Variants in TTC6 observed in about 807,000 individuals in gnomAD.
The protein encoded by TTC6 is tetratricopeptide repeat protein 6.
Under a neutral mutation model 210.4 loss-of-function variants are expected in TTC6, and 172 were observed. The ratio of observed to expected loss-of-function variants is 0.82; its 90% CI spans 0.72 to 0.93. The LOEUF (loss-of-function observed/expected upper bound fraction) is 0.93, where lower values mean the gene tolerates loss of function less well. Among genes scored for constraint, TTC6 ranks in the 40% least tolerant of loss-of-function variants. The pLI is 0.00. For synonymous variants in TTC6, 804 were observed against 819.6 expected (o/e 0.98, Z 0.32); for missense variants, 2,414 against 2,318.1 (o/e 1.04, Z -0.85).
At chr14:37,801,792 G>A (rs1390384635) in intron 20 of TTC6, among the ~76,000 whole-genome samples, 2 of 152,160 alleles carry the variant, frequency 1.3e-5, no homozygotes, top group Non-Finnish European at 2.9e-5. Flanking sequence ...CAGAGAAATA[G>A]GAACGCTTTT....
chr14:37,792,782 G>C (rs1416393733), intron 17 of TTC6, among the ~76,000 whole-genome samples: 1 of 105,196 alleles, frequency 9.5e-6, no homozygotes, highest in African/African-American at 3.8e-5. Flanking sequence ...AATGTTGTGT[G>C]TGTGTGTGTG....
intron 10 of TTC6, among the ~76,000 whole-genome samples, chr14:37,745,453 T>C (rs558763958): frequency 6.6e-6 from 1 of 152,226 alleles, no homozygotes; most frequent in South Asian, 2.1e-4. Flanking sequence ...TGGTGGATAG[T>C]GATGTGAGAT....
upstream of TTC6, among the ~76,000 whole-genome samples, chr14:37,620,551 C>T (rs987419062): frequency 9.9e-5 from 15 of 152,134 alleles, no homozygotes; most frequent in African/African-American, 3.6e-4. Flanking sequence ...AACCTGCCAT[C>T]GGTTCCCTAT....
At chr14:37,742,030 A>C (rs2095921542) in intron 10 of TTC6, among the ~76,000 whole-genome samples, 1 of 151,446 alleles carries the variant, frequency 6.6e-6, no homozygotes. Context: ...GGCTGCCTTG[A>C]CTCCCTTGTA....
chr14:37,737,572 T>C (rs965785907), intron 8 of TTC6, 88 bp from the exon 11 acceptor site: 128 of 654,708 alleles, frequency 2.0e-4, no homozygotes, highest in Admixed American at 8.5e-4. Context: ...TTAATTTACC[T>C]AAACAGTTAT....
intron 19 of TTC6, 103 bp downstream of exon 21, chr14:37,796,473 C>G (rs1321044390): frequency 1.8e-6 from 1 of 541,804 alleles, no homozygotes; most frequent in African/African-American, 2.0e-5. Context: ...AATTGAAAGT[C>G]AAATTAGATT....
upstream of TTC6, among the ~76,000 whole-genome samples, chr14:37,621,611 C>CA (rs923107631): frequency 2.0e-5 from 3 of 151,810 alleles, no homozygotes; most frequent in Non-Finnish European, 4.4e-5. Flanking sequence ...GATCTTGTCT[C>CA]AAAAAAAGAA....
intron 7 of TTC6, among the ~76,000 whole-genome samples, chr14:37,730,567 A>G (rs999646098): frequency 7.9e-5 from 12 of 152,050 alleles, no homozygotes; most frequent in Non-Finnish European, 1.2e-4. Context: ...TCTTTCCACA[A>G]TTTCTTCTGT....
chr14:37,833,986 C>A (rs1192922370), intron 29 of TTC6, among the ~76,000 whole-genome samples: 2 of 152,146 alleles, frequency 1.3e-5, no homozygotes, highest in Admixed American at 6.5e-5. Flanking sequence ...GTTCTTCCCC[C>A]CAACCCCTCA....
chr14:37,622,333 T>C (rs951055781), exon 1 of TTC6: 2 of 1,532,694 alleles, frequency 1.3e-6, no homozygotes, highest in East Asian at 2.5e-5. Context: ...GCCGCCCTCC[T>C]GCAGGAGGTG....
At chr14:37,721,934 A>G (rs2095862849) in intron 6 of TTC6, among the ~76,000 whole-genome samples, 1 of 146,904 alleles carries the variant, frequency 6.8e-6, no homozygotes, top group Admixed American at 6.9e-5. Flanking sequence ...ATATACATAT[A>G]TATATATTTT....
At position 37,749,082 on chromosome 14, in the gene TTC6, A is replaced by G. The variant is rs562868849; in HGVS notation, c.2507A>G (p.Asn836Ser). 459 of 1,535,784 alleles carry G rather than the reference A, an allele frequency of 3.0e-4. 6 individuals carry two copies. In the South Asian group the frequency reaches 3.8e-3, roughly 13 times the overall value. Residue 836 changes from asparagine (N) to serine (S), a missense_variant, in exon 11 of 31, where the codon AAT (asparagine) becomes AGT (serine). Asn to Ser is a conservative substitution (Grantham distance 46). Coordinates refer to ENST00000553443, the Ensembl canonical transcript of TTC6. Reference sequence around the variant, plus strand: ...CAAGCTAAGGGAGGAATTCCAGAAAATATTGATCCTCGGACATGGGCTCTT... The same window carrying G: ...CAAGCTAAGGGAGGAATTCCAGAAAGTATTGATCCTCGGACATGGGCTCTT...
chr14:37,683,882 A>AT (rs1373262301), intron 3 of TTC6, among the ~76,000 whole-genome samples: 2 of 152,132 alleles, frequency 1.3e-5, no homozygotes, highest in East Asian at 3.9e-4. Context: ...CATTAAAAAA[A>AT]CAGACCCTTT....
intron 2 of TTC6, 67 bp from the exon 5 acceptor site, chr14:37,682,691 C>T: frequency 7.7e-7 from 1 of 1,301,528 alleles, no homozygotes; most frequent in Admixed American, 2.2e-5. Context: ...GAAACTGTTG[C>T]ATCACTGAAA....
chr14:37,647,256 C>A (rs1395693879), intron 1 of TTC6, among the ~76,000 whole-genome samples: 1 of 152,062 alleles, frequency 6.6e-6, no homozygotes, highest in East Asian at 1.9e-4. Context: ...ATGATCTGAT[C>A]TTGTTTTAAA....
chr14:37,789,321 T>C lies in TTC6; in HGVS notation c.3437-1396T>C, dbSNP rs556742600. On this transcript the variant is annotated intron_variant, in intron 15 of 30. Transcript: ENST00000553443. ...CAGAGAGGTTAAATAATATTTTTTT[T>C]CCTTTTTCCTTAAGAAGAGTTTTTT... Among the ~76,000 whole-genome samples, 11 of 124,942 alleles carry C rather than the reference T, an allele frequency of 8.8e-5. No homozygotes were observed. The East Asian group carries it at 2.7e-3, about 31-fold the overall frequency. 82.0% of individuals were successfully genotyped at this position (124,942 alleles called of 152,430 possible). A position where few individuals can be genotyped will look rare whatever the true frequency, so the allele number is the denominator to read the frequency against.
At chr14:37,744,221 G>A (rs1258360756) in intron 10 of TTC6, among the ~76,000 whole-genome samples, 1 of 152,220 alleles carries the variant, frequency 6.6e-6, no homozygotes, top group Non-Finnish European at 1.5e-5. Flanking sequence ...CTACTCAGCA[G>A]TACTGCATTA....
At chr14:37,745,863 T>A (rs1235802450) in intron 10 of TTC6, among the ~76,000 whole-genome samples, 1 of 152,150 alleles carries the variant, frequency 6.6e-6, no homozygotes, top group Non-Finnish European at 1.5e-5. Context: ...TGCCCAACCT[T>A]CCTGTTAAGA....
chr14:37,714,871 T>TC, intron 6 of TTC6, 75 bp downstream of exon 8: 4 of 1,392,862 alleles, frequency 2.9e-6, no homozygotes, highest in Non-Finnish European at 3.8e-6. Flanking sequence ...GAGACTTTTT[T>TC]CACTCTTAAA....
Sources: allele counts gnomAD v4.1 joint callset (sites outside exome capture counted in the v4.1 genomes callset), GRCh38; gene constraint gnomAD v4.1.1; transcripts MANE v1.5; gene names NCBI Gene and HGNC (gene_info 2026-07-23, HGNC 2026-07-21).